DCX: variants seen among roughly 807,000 people sequenced by gnomAD.
DCX encodes the protein neuronal migration protein doublecortin.
A neutral mutation model predicts 20.9 loss-of-function variants in DCX; 4 were observed. That is an observed-to-expected ratio of 0.19 (90% CI 0.09 to 0.44). DCX has a LOEUF of 0.44. Among genes scored for constraint, DCX ranks in the 20% least tolerant of loss-of-function variants. The probability of loss-of-function intolerance (pLI) is 0.99; values close to 1 mark genes in which losing one functional copy is unlikely to be tolerated. For synonymous variants in DCX, 103 were observed against 111.4 expected, an observed-to-expected ratio of 0.92 and a Z score of 0.47; for missense variants, 133 against 296.9, an observed-to-expected ratio of 0.45 and a Z score of 4.06.
At chrX:111,365,020 C>T (rs1924501681) in intron 3 of DCX, among the ~76,000 whole-genome samples, 1 of 108,987 alleles carries the variant, frequency 9.2e-6, no homozygotes. Flanking sequence ...ACCTCCCAAG[C>T]AGATGGGACT....
At chrX:111,325,076 G>T (rs1265430827) in intron 5 of DCX, among the ~76,000 whole-genome samples, 1 of 111,541 alleles carries the variant, frequency 9.0e-6, no homozygotes, top group Non-Finnish European at 1.9e-5. Flanking sequence ...GTTGCTGGTA[G>T]GGGAGCTAGG....
At chrX:111,318,814 G>T (rs772181993) in intron 5 of DCX, among the ~76,000 whole-genome samples, 11 of 110,978 alleles carry the variant, frequency 9.9e-5, no homozygotes, top group Non-Finnish European at 2.1e-4. Flanking sequence ...GGTGGAAGGA[G>T]GGAGAGGATC....
intron 5 of DCX, among the ~76,000 whole-genome samples, chrX:111,318,022 T>C (rs985533120): frequency 1.9e-5 from 2 of 107,030 alleles, no homozygotes; most frequent in Non-Finnish European, 3.8e-5. Context: ...CTGTCTCTAC[T>C]AAAAATATAA....
intron 3 of DCX, among the ~76,000 whole-genome samples, chrX:111,385,969 C>T (rs1926472349): frequency 1.8e-5 from 2 of 111,478 alleles, no homozygotes; most frequent in Non-Finnish European, 3.8e-5. Context: ...CTCACTAGCT[C>T]TGCCTTTTGT....
chrX:111,406,658 A>T (rs1036950895), intron 2 of DCX, among the ~76,000 whole-genome samples: 3 of 112,482 alleles, frequency 2.7e-5, no homozygotes, highest in African/African-American at 9.7e-5. Context: ...ATAAAATTTG[A>T]AAACATTATT....
At chrX:111,310,859 T>C (rs1266534088) in intron 6 of DCX, among the ~76,000 whole-genome samples, 1 of 112,186 alleles carries the variant, frequency 8.9e-6, no homozygotes, top group Non-Finnish European at 1.9e-5. Context: ...AGTTTAACAA[T>C]GCAAACAACT....
intron 5 of DCX, among the ~76,000 whole-genome samples, chrX:111,320,583 A>G (rs2147612184): frequency 9.1e-6 from 1 of 110,495 alleles, no homozygotes; most frequent in Non-Finnish European, 1.9e-5. Context: ...TCTCTTTCTC[A>G]TTTCCCTTCT....
chrX:111,362,620 AC>A (rs903431800), intron 3 of DCX, among the ~76,000 whole-genome samples: 1 of 111,499 alleles, frequency 9.0e-6, no homozygotes, highest in African/African-American at 3.3e-5. Context: ...GTCATTCCCA[AC>A]CTTCCTAGGT....
chrX:111,408,674 GAA>G (rs1928442315), intron 2 of DCX, among the ~76,000 whole-genome samples: 1 of 108,942 alleles, frequency 9.2e-6, no homozygotes, highest in African/African-American at 3.4e-5. Context: ...AAGAAAGAAA[GAA>G]AGAAAGAAAG....
At position 111,295,438 on chromosome X, in the gene DCX, T is replaced by C. The variant is rs1391047790; in HGVS notation, c.*6249A>G. ...TTGTTAAATTATCTTTTCATTTAAA[T>C]CAACTCCGATTGCCTACCAGTTTAG... On this transcript the variant is annotated 3_prime_UTR_variant, in exon 7 of 7. Coordinates refer to ENST00000636035, the MANE Select transcript of DCX (RefSeq NM_001195553.2). The C allele has an allele frequency of 8.9e-6, 1 of 112,186 alleles. No homozygotes were observed. The highest frequency in any genetic ancestry group is 1.9e-5 in the Non-Finnish European group (1 of 53,214). The allele number at this position is 112,186 out of a possible 1,213,427, so 9.2% of individuals were successfully genotyped here.
chrX:111,370,035 C>A (rs186055142), intron 3 of DCX, among the ~76,000 whole-genome samples: 45 of 111,453 alleles, frequency 4.0e-4, no homozygotes, highest in African/African-American at 1.4e-3. Context: ...CTGGGTACAC[C>A]TGACTTTTGT....
At chrX:111,318,636 T>C (rs2095079537) in intron 5 of DCX, among the ~76,000 whole-genome samples, 1 of 111,258 alleles carries the variant, frequency 9.0e-6, no homozygotes, top group African/African-American at 3.3e-5. Flanking sequence ...CAAGATTATG[T>C]ACTTTGCGGT....
intron 5 of DCX, among the ~76,000 whole-genome samples, chrX:111,323,816 C>T (rs757281937): frequency 3.6e-5 from 4 of 110,335 alleles, no homozygotes; most frequent in Admixed American, 9.7e-5. Context: ...GGTGGCACCA[C>T]ACCACATGGA....
Position 111,333,121 on chromosome X carries a change from A to C in DCX, c.738T>G (p.Asp246Glu), listed in dbSNP as rs914252565. ...CAGGACCACAGGCAATAAACACATC[A>C]TCATCACCAAAGAAATCATGGAGAC... ...VTCLHDFFGDDDVFIACGPEK... is the reference protein window; with the variant it reads ...VTCLHDFFGDEDVFIACGPEK... Residue 246 changes from aspartate to glutamate, a missense_variant, in exon 4 of 7, where the codon GAT becomes GAG. Physicochemically the swap from Asp to Glu is conservative, Grantham distance 45. Coordinates refer to ENST00000636035, the MANE Select transcript of DCX (RefSeq NM_001195553.2). 1.7e-6 allele frequency: 2 copies of C among 1,210,216 alleles called. No individual in the cohort carries two copies. Among genetic ancestry groups the C allele is most frequent in the Admixed American group, 4.3e-5 (2 of 46,039 alleles).
At chrX:111,397,805 ATATG>A (rs1460830283) in intron 3 of DCX, among the ~76,000 whole-genome samples, 4 of 32,882 alleles carry the variant, frequency 1.2e-4, no homozygotes, top group Non-Finnish European at 1.1e-3. Context: ...ATATCTACAT[ATATG>A]TGTGTGTGTA....
At chrX:111,310,386 T>A (rs866393914) in intron 6 of DCX, among the ~76,000 whole-genome samples, 2 of 111,386 alleles carry the variant, frequency 1.8e-5, no homozygotes, top group Non-Finnish European at 3.8e-5. Flanking sequence ...TAATAACATG[T>A]ACTATATGTA....
chrX:111,398,887 C>T (rs775439791), intron 3 of DCX, among the ~76,000 whole-genome samples: 6 of 111,589 alleles, frequency 5.4e-5, no homozygotes, highest in Admixed American at 9.5e-5. Flanking sequence ...CCAAGGTGGG[C>T]GGATTGCCCT....
At chrX:111,320,239 A>G (rs1202152477) in intron 5 of DCX, among the ~76,000 whole-genome samples, 2 of 112,213 alleles carry the variant, frequency 1.8e-5, no homozygotes, top group African/African-American at 6.5e-5. Flanking sequence ...GATAAAATGT[A>G]TTCAAGTGCA....
chrX:111,404,279 T>G (rs1928044812), intron 2 of DCX, among the ~76,000 whole-genome samples: 1 of 110,584 alleles, frequency 9.0e-6, no homozygotes, highest in East Asian at 2.9e-4. Flanking sequence ...AGAGAAAGTA[T>G]CAAGGGCAAC....
Sources: gnomAD v4.1 joint callset for allele counts (sites outside exome capture counted in the v4.1 genomes callset) on GRCh38, gnomAD v4.1.1 for gene constraint, MANE v1.5 for transcripts, NCBI Gene and HGNC (gene_info 2026-07-23, HGNC 2026-07-21) for gene names.